Variants in CAPZB observed in about 807,000 individuals in gnomAD.
The protein encoded by CAPZB is capping actin protein of muscle Z-line subunit beta, also known as F-actin-capping protein subunit beta.
CAPZB carries 2 observed loss-of-function variants against 38.1 expected under a neutral mutation model. The observed-to-expected ratio is 0.05, with a 90% confidence interval of 0.02 to 0.17. The LOEUF (loss-of-function observed/expected upper bound fraction) is 0.17, where lower values mean the gene tolerates loss of function less well. Among genes scored for constraint, CAPZB ranks in the 10% least tolerant of loss-of-function variants. The pLI is 1.00. For missense variants in CAPZB, 161 were observed against 334.2 expected, an observed-to-expected ratio of 0.48 and a Z score of 4.04; for synonymous variants, 107 against 127.4, an observed-to-expected ratio of 0.84 and a Z score of 1.08.
intron 6 of CAPZB, among the ~76,000 whole-genome samples, chr1:19,354,359 A>C (rs1352071526): frequency 6.6e-6 from 1 of 152,150 alleles, no homozygotes; most frequent in Non-Finnish European, 1.5e-5. Flanking sequence ...CAAGCTCTGC[A>C]ACCCTCACTT....
At chr1:19,347,943 G>A (rs1410905411) in intron 6 of CAPZB, among the ~76,000 whole-genome samples, 1 of 152,194 alleles carries the variant, frequency 6.6e-6, no homozygotes, top group Non-Finnish European at 1.5e-5. Flanking sequence ...CAGATATTTA[G>A]GCTCAAGGGT....
rs568192371 is a variant in CAPZB at position 19,399,998 on chromosome 1, A to C, written c.94-14372T>G. Among the ~76,000 whole-genome samples, 199 of 152,300 alleles carry C rather than the reference A, an allele frequency of 1.3e-3. 2 individuals carry two copies. The highest frequency in any genetic ancestry group is 4.6e-3 in the African/African-American group (192 of 41,564). On this transcript the variant is annotated intron_variant, in intron 2 of 8. Transcript: ENST00000264202. ...CAAGCAGCTGAGTGAGTTATTCACAAGAAGGGGAAGAAGGAAAAGGCTTGG... is the reference window on the plus strand; with the variant it reads ...CAAGCAGCTGAGTGAGTTATTCACACGAAGGGGAAGAAGGAAAAGGCTTGG...
chr1:19,408,576 G>C (rs1041989532), intron 2 of CAPZB, among the ~76,000 whole-genome samples: 1 of 152,206 alleles, frequency 6.6e-6, no homozygotes, highest in Non-Finnish European at 1.5e-5. Flanking sequence ...TCATAGGCCT[G>C]AGAGAAACTG....
chr1:19,390,354 G>A (rs1195344341), intron 2 of CAPZB, among the ~76,000 whole-genome samples: 1 of 152,272 alleles, frequency 6.6e-6, no homozygotes, highest in Admixed American at 6.5e-5. Context: ...TGAGGAGGAG[G>A]AGCGGTGCTG....
At chr1:19,423,710 CA>C (rs1332107698) in intron 1 of CAPZB, among the ~76,000 whole-genome samples, 1 of 151,472 alleles carries the variant, frequency 6.6e-6, no homozygotes, top group Non-Finnish European at 1.5e-5. Context: ...TTTCTTGAGA[CA>C]GGGTCTCACT....
chr1:19,389,787 C>A (rs2094223029), intron 2 of CAPZB, among the ~76,000 whole-genome samples: 1 of 152,190 alleles, frequency 6.6e-6, no homozygotes, highest in Non-Finnish European at 1.5e-5. Flanking sequence ...TTAAATCTTA[C>A]TGATCCTTCA....
At chr1:19,439,832 G>T (rs12754186) in intron 1 of CAPZB, among the ~76,000 whole-genome samples, 32,782 of 151,952 alleles carry the variant, frequency 0.22, 4,798 homozygotes, top group African/African-American at 0.41. Context: ...AACCATTTCA[G>T]AAACCACCTC....
chr1:19,434,655 C>T (rs1397505498), intron 1 of CAPZB, among the ~76,000 whole-genome samples: 1 of 151,920 alleles, frequency 6.6e-6, no homozygotes, highest in African/African-American at 2.4e-5. Context: ...TTCTAGCCAA[C>T]GCAGTGGCTC....
At chr1:19,452,441 TC>T (rs2094519548) in intron 1 of CAPZB, among the ~76,000 whole-genome samples, 1 of 152,132 alleles carries the variant, frequency 6.6e-6, no homozygotes, top group South Asian at 2.1e-4. Flanking sequence ...GAATAAACAT[TC>T]CCGGAACAAT....
At chr1:19,434,292 G>A (rs1000027674) in intron 1 of CAPZB, among the ~76,000 whole-genome samples, 63 of 152,046 alleles carry the variant, frequency 4.1e-4, no homozygotes, top group African/African-American at 1.5e-3. Flanking sequence ...TCTGAGCCTC[G>A]ATTCCTTCAT....
chr1:19,401,763 T>C (rs1054955377), intron 2 of CAPZB, among the ~76,000 whole-genome samples: 1 of 152,188 alleles, frequency 6.6e-6, no homozygotes, highest in African/African-American at 2.4e-5. Context: ...TTTCCAGGTA[T>C]TTCCAATGAG....
intron 2 of CAPZB, among the ~76,000 whole-genome samples, chr1:19,402,007 C>G (rs1558228792): frequency 6.6e-6 from 1 of 152,088 alleles, no homozygotes; most frequent in Non-Finnish European, 1.5e-5. Context: ...TTGAGGATAC[C>G]CTATGCCCCC....
chr1:19,453,129 CATAA>C (rs1007286254), intron 1 of CAPZB, among the ~76,000 whole-genome samples: 2 of 151,948 alleles, frequency 1.3e-5, no homozygotes, highest in African/African-American at 4.8e-5. Context: ...TTTATTTTAA[CATAA>C]ATAAAGTCAT....
intron 1 of CAPZB, among the ~76,000 whole-genome samples, chr1:19,456,683 C>A (rs2094534149): frequency 6.6e-6 from 1 of 152,166 alleles, no homozygotes; most frequent in Non-Finnish European, 1.5e-5. Context: ...CATCCTCGAA[C>A]AGACTATTTC....
intron 4 of CAPZB, among the ~76,000 whole-genome samples, chr1:19,365,488 G>A (rs529576172): frequency 6.6e-6 from 1 of 152,290 alleles, no homozygotes; most frequent in South Asian, 2.1e-4. Context: ...GGTCCACCAG[G>A]AAGGAGGGCT....
At chr1:19,454,956 G>A (rs1388282859) in intron 1 of CAPZB, among the ~76,000 whole-genome samples, 1 of 152,378 alleles carries the variant, frequency 6.6e-6, no homozygotes, top group South Asian at 2.1e-4. Context: ...GTAAAGGGAA[G>A]GAAGAGGGGC....
intron 1 of CAPZB, among the ~76,000 whole-genome samples, chr1:19,445,830 C>T (rs914240541): frequency 4.6e-5 from 7 of 152,172 alleles, no homozygotes; most frequent in Non-Finnish European, 1.0e-4. Context: ...CCGCACTGTA[C>T]ACTTAAAGCT....
rs548441059 is a variant in CAPZB at position 19,347,977 on chromosome 1, G to A, written c.589-2725C>T. The stretch of plus-strand genomic sequence containing the variant: ...GTGCATTTCATGCAGTACAAAATGG[G>A]GAACTGCTGACTTGCAAACAGTTCC... On this transcript the variant is annotated intron_variant, in intron 6 of 8. Coordinates refer to ENST00000264202, the MANE Select transcript of CAPZB (RefSeq NM_004930.5). Among the ~76,000 whole-genome samples, 3 of 152,298 alleles carry A rather than the reference G, an allele frequency of 2.0e-5. No homozygotes were observed. In the East Asian group the frequency reaches 5.8e-4, roughly 29 times the overall value.
chr1:19,391,781 C>T (rs1570102332), intron 2 of CAPZB, among the ~76,000 whole-genome samples: 1 of 152,160 alleles, frequency 6.6e-6, no homozygotes, highest in Non-Finnish European at 1.5e-5. Context: ...CCATAAACCC[C>T]GAATGCCCGC....
Sources: gnomAD v4.1 joint callset for allele counts (sites outside exome capture counted in the v4.1 genomes callset) on GRCh38, gnomAD v4.1.1 for gene constraint, MANE v1.5 for transcripts, NCBI Gene and HGNC (gene_info 2026-07-23, HGNC 2026-07-21) for gene names.